ANO3: variants seen among roughly 807,000 people sequenced by gnomAD.
The protein encoded by ANO3 is anoctamin 3, also known as anoctamin-3.
Under a neutral mutation model 144.8 loss-of-function variants are expected in ANO3, and 99 were observed. That is an observed-to-expected ratio of 0.68 (90% CI 0.58 to 0.81). The LOEUF (loss-of-function observed/expected upper bound fraction) is 0.81. ANO3 is among the 30% of genes least tolerant of loss of function. ANO3 has a pLI of 0.00. For synonymous variants in ANO3, 414 were observed against 392.6 expected (o/e 1.05, Z -0.64); for missense variants, 905 against 1,202.2 (o/e 0.75, Z 3.66).
intron 4 of ANO3, among the ~76,000 whole-genome samples, chr11:26,468,214 G>A (rs1859666941): frequency 4.6e-5 from 7 of 151,942 alleles, no homozygotes; most frequent in Admixed American, 4.6e-4. Flanking sequence ...TCCGTAGTGG[G>A]CATTAGTGAA....
chr11:26,369,822 AAC>A (rs1856199114), intron 1 of ANO3, among the ~76,000 whole-genome samples: 1 of 152,170 alleles, frequency 6.6e-6, no homozygotes, highest in East Asian at 1.9e-4. Context: ...AGTTTGGTGT[AAC>A]ACTGAATCAT....
chr11:26,399,316 A>G (rs115098835), intron 1 of ANO3, among the ~76,000 whole-genome samples: 1,640 of 152,028 alleles, frequency 0.011, 38 homozygotes, highest in African/African-American at 0.038. Flanking sequence ...TGGGGCTTTC[A>G]ATGATAAAGT....
chr11:26,240,395 G>A (rs1852637711), intron 1 of ANO3, among the ~76,000 whole-genome samples: 1 of 152,156 alleles, frequency 6.6e-6, no homozygotes, highest in South Asian at 2.1e-4. Context: ...GCTGTCTTCA[G>A]AGATGCATTT....
At chr11:26,534,197 T>C (rs371837872) in intron 8 of ANO3, among the ~76,000 whole-genome samples, 1 of 152,358 alleles carries the variant, frequency 6.6e-6, no homozygotes, top group African/African-American at 2.4e-5. Context: ...TGGGAGCCAA[T>C]GGGCTATCTA....
intron 13 of ANO3, among the ~76,000 whole-genome samples, chr11:26,553,636 T>C (rs1850001997): frequency 6.6e-6 from 1 of 152,152 alleles, no homozygotes; most frequent in Admixed American, 6.6e-5. Flanking sequence ...AACAATTACT[T>C]CTATTGCTAC....
chr11:26,315,708 TCTACCTACCTAC>T (rs1265834953), intron 1 of ANO3, among the ~76,000 whole-genome samples: 3 of 151,548 alleles, frequency 2.0e-5, no homozygotes, highest in African/African-American at 7.3e-5. Context: ...TATCTATCTA[TCTACCTACCTAC>T]CTATCTACCT....
chr11:26,525,535 T>G, intron 6 of ANO3, 100 bp from the exon 7 acceptor site: 2 of 881,402 alleles, frequency 2.3e-6, no homozygotes, highest in Non-Finnish European at 3.6e-6. Context: ...CATACGGAAC[T>G]TGGAGTATAG....
intron 1 of ANO3, among the ~76,000 whole-genome samples, chr11:26,299,127 T>C (rs1854159374): frequency 2.0e-5 from 3 of 152,022 alleles, no homozygotes; most frequent in Non-Finnish European, 1.5e-5. Flanking sequence ...AGGTTTGAGG[T>C]TTCTGGGGTT....
chr11:26,454,407 C>A (rs1022019214), intron 3 of ANO3, among the ~76,000 whole-genome samples: 5 of 152,016 alleles, frequency 3.3e-5, no homozygotes, highest in African/African-American at 1.2e-4. Context: ...CACCACTGAT[C>A]CCACAGAAAT....
chr11:26,572,211 G>A (rs1850856547), intron 14 of ANO3: 1 of 985,346 alleles, frequency 1.0e-6, no homozygotes, highest in African/African-American at 1.7e-5. Flanking sequence ...TATCTTGCTT[G>A]TGTAACAGAG....
intron 12 of ANO3, among the ~76,000 whole-genome samples, chr11:26,549,228 A>G (rs1457522784): frequency 1.2e-4 from 19 of 152,020 alleles, no homozygotes; most frequent in Non-Finnish European, 2.6e-4. Flanking sequence ...GTGTTCTAAA[A>G]GGCATTAGTA....
chr11:26,545,192 G>C (rs1849756090), intron 11 of ANO3, among the ~76,000 whole-genome samples: 1 of 151,950 alleles, frequency 6.6e-6, no homozygotes, highest in African/African-American at 2.4e-5. Flanking sequence ...TTATTGTGTT[G>C]CTTCCTATCT....
At chr11:26,311,844 G>GT (rs1451689695) in intron 1 of ANO3, among the ~76,000 whole-genome samples, 2 of 152,076 alleles carry the variant, frequency 1.3e-5, no homozygotes, top group Non-Finnish European at 2.9e-5. Flanking sequence ...GCCTTCTCTT[G>GT]TTTTTTAAAA....
At chr11:26,231,392 C>T (rs932588274) in intron 1 of ANO3, among the ~76,000 whole-genome samples, 16 of 151,970 alleles carry the variant, frequency 1.1e-4, no homozygotes, top group Admixed American at 9.8e-4. Context: ...TCACCACAGC[C>T]ACGCATTTTT....
rs150168906 is a variant in ANO3 at position 26,553,205 on chromosome 11, T to C, written c.1290-44T>C. ...GCTAAGTGAATTCTTAGTCACAGTT[T>C]CATGCTATGTTTTGTTTTGTTTTTG... On this transcript the variant is annotated intron_variant, in intron 12 of 26. Coordinates refer to ENST00000256737, the MANE Select transcript of ANO3 (RefSeq NM_031418.4). 1,313 of 1,279,524 alleles carry C rather than the reference T, an allele frequency of 1.0e-3. 4 individuals carry two copies. The African/African-American group carries it at 0.014, about 14-fold the overall frequency. 79.3% of individuals were successfully genotyped at this position (1,279,524 alleles called of 1,614,324 possible). A position where few individuals can be genotyped will look rare whatever the true frequency, so the allele number is the denominator to read the frequency against.
intron 1 of ANO3, among the ~76,000 whole-genome samples, chr11:26,438,659 TC>T (rs1389435362): frequency 7.7e-6 from 1 of 130,510 alleles, no homozygotes; most frequent in African/African-American, 2.9e-5. Flanking sequence ...GCACCTGCAA[TC>T]CCAGCTACTC....
intron 18 of ANO3, among the ~76,000 whole-genome samples, chr11:26,629,600 T>G (rs12269966): frequency 0.17 from 25,604 of 152,116 alleles, 2,469 homozygotes; most frequent in African/African-American, 0.27. Context: ...CAAGATGCAT[T>G]ATTCCTTTAA....
chr11:26,597,782 C>T, intron 14 of ANO3, among the ~76,000 whole-genome samples: 1 of 152,262 alleles, frequency 6.6e-6, no homozygotes, highest in South Asian at 2.1e-4. Context: ...AAACAGCAAT[C>T]GTTTTCTTAA....
At chr11:26,295,858 C>A (rs1171232913) in intron 1 of ANO3, among the ~76,000 whole-genome samples, 1 of 152,144 alleles carries the variant, frequency 6.6e-6, no homozygotes, top group African/African-American at 2.4e-5. Context: ...TATGTTGTCA[C>A]CCTTTTTATG....
Sources: gnomAD v4.1 joint callset for allele counts (sites outside exome capture counted in the v4.1 genomes callset) on GRCh38, gnomAD v4.1.1 for gene constraint, MANE v1.5 for transcripts, NCBI Gene and HGNC (gene_info 2026-07-23, HGNC 2026-07-21) for gene names.